The following CACNG2 variants were observed in gnomAD, a reference collection of about 807,000 sequenced individuals.
CACNG2 encodes calcium voltage-gated channel auxiliary subunit gamma 2.
Under a neutral mutation model 25.9 loss-of-function variants are expected in CACNG2, and 3 were observed. The ratio of observed to expected loss-of-function variants is 0.12; its 90% CI spans 0.05 to 0.30. The LOEUF is 0.30. Among genes scored for constraint, CACNG2 ranks in the 10% least tolerant of loss-of-function variants. CACNG2 has a pLI of 1.00. For synonymous variants in CACNG2, 167 were observed against 173.3 expected (o/e 0.96, Z 0.29); for missense variants, 341 against 432.5 (o/e 0.79, Z 1.88).
chr22:36,609,235 A>G (rs997009135), intron 1 of CACNG2, among the ~76,000 whole-genome samples: 2 of 148,996 alleles, frequency 1.3e-5, no homozygotes, highest in Non-Finnish European at 3.0e-5. Flanking sequence ...ATTGAGCAGG[A>G]ATCAGCCCCC....
chr22:36,647,824 C>T (rs1936550776), intron 1 of CACNG2, among the ~76,000 whole-genome samples: 1 of 152,096 alleles, frequency 6.6e-6, no homozygotes, highest in South Asian at 2.1e-4. Context: ...CTCCTAGCTC[C>T]CTGTGTTTTT....
At chr22:36,666,684 G>T (rs1936879124) in intron 1 of CACNG2, among the ~76,000 whole-genome samples, 1 of 151,860 alleles carries the variant, frequency 6.6e-6, no homozygotes, top group African/African-American at 2.4e-5. Flanking sequence ...TATGTTATGT[G>T]TATTTTACCA....
At chr22:36,695,074 G>A (rs185890770) in intron 1 of CACNG2, among the ~76,000 whole-genome samples, 6 of 152,106 alleles carry the variant, frequency 3.9e-5, no homozygotes, top group Admixed American at 6.5e-5. Context: ...AAATGAGCCC[G>A]GTGTGGTGGT....
At chr22:36,577,330 G>A (rs926868404) in intron 2 of CACNG2, among the ~76,000 whole-genome samples, 3 of 152,142 alleles carry the variant, frequency 2.0e-5, no homozygotes, top group Admixed American at 1.3e-4. Context: ...TCATGAAATC[G>A]GTGTAGTGGT....
intron 1 of CACNG2, among the ~76,000 whole-genome samples, chr22:36,687,809 G>T (rs1937220982): frequency 6.6e-6 from 1 of 152,074 alleles, no homozygotes; most frequent in Non-Finnish European, 1.5e-5. Flanking sequence ...AACAACTCTG[G>T]CTTTAAAGAT....
intron 1 of CACNG2, among the ~76,000 whole-genome samples, chr22:36,658,451 A>G (rs1936740199): frequency 6.6e-6 from 1 of 152,220 alleles, no homozygotes; most frequent in South Asian, 2.1e-4. Context: ...GGCTTTTCAC[A>G]CATGAGAAAG....
chr22:36,622,073 T>C (rs1569032279), intron 1 of CACNG2, among the ~76,000 whole-genome samples: 1 of 152,222 alleles, frequency 6.6e-6, no homozygotes, highest in Non-Finnish European at 1.5e-5. Flanking sequence ...AAGGCACGGC[T>C]CTCATTCCCT....
chr22:36,676,741 G>A (rs894118088), intron 1 of CACNG2, among the ~76,000 whole-genome samples: 42 of 152,184 alleles, frequency 2.8e-4, no homozygotes, highest in Non-Finnish European at 4.6e-4. Flanking sequence ...AGGTCACAAC[G>A]CTCAGAAGCA....
chr22:36,660,434 C>T (rs1391589882), intron 1 of CACNG2, among the ~76,000 whole-genome samples: 1 of 152,264 alleles, frequency 6.6e-6, no homozygotes, highest in Non-Finnish European at 1.5e-5. Flanking sequence ...TCCGATGCTG[C>T]TTTCGATTGC....
intron 1 of CACNG2, among the ~76,000 whole-genome samples, chr22:36,648,177 C>T (rs1936556810): frequency 6.6e-6 from 1 of 152,132 alleles, no homozygotes; most frequent in African/African-American, 2.4e-5. Flanking sequence ...TCTCATCAAC[C>T]TGAGAAATGA....
Position 36,702,382 on chromosome 22 carries a change from T to C in CACNG2, c.195A>G (p.Arg65=). 1 of 1,613,586 alleles carries C rather than the reference T, an allele frequency of 6.2e-7. No homozygotes were observed. Among genetic ancestry groups the C allele is most frequent in the Non-Finnish European group, 8.5e-7 (1 of 1,179,708 alleles). Residue 65 remains arginine, a synonymous_variant, in exon 1 of 4, where the codon AGA becomes AGG. Transcript: ENST00000300105. The part of the protein sequence containing the change: ...EEVMTHSGLW[R]TCCLEGNFKG... ...GTCAAGTACCTTCTAGGCAGCAGGTTCTCCATAATCCGGAATGGGTCATAA... is the reference window on the plus strand; with the variant it reads ...GTCAAGTACCTTCTAGGCAGCAGGTCCTCCATAATCCGGAATGGGTCATAA...
chr22:36,664,100 G>A (rs1215470686), intron 1 of CACNG2, among the ~76,000 whole-genome samples: 2 of 152,086 alleles, frequency 1.3e-5, no homozygotes, highest in East Asian at 1.9e-4. Context: ...AGGGTGGCTG[G>A]CAAAACCTAT....
At chr22:36,642,692 G>C (rs937599862) in intron 1 of CACNG2, among the ~76,000 whole-genome samples, 3 of 152,144 alleles carry the variant, frequency 2.0e-5, no homozygotes, top group Non-Finnish European at 4.4e-5. Context: ...TAGACAACAG[G>C]GGAAAGACAG....
chr22:36,575,587 G>A (rs1417846344), intron 2 of CACNG2, among the ~76,000 whole-genome samples: 1 of 152,150 alleles, frequency 6.6e-6, no homozygotes, highest in Non-Finnish European at 1.5e-5. Flanking sequence ...TGCACTCTTT[G>A]CCTAGCTCTC....
chr22:36,591,276 G>C (rs1389928752), intron 1 of CACNG2, among the ~76,000 whole-genome samples: 2 of 151,978 alleles, frequency 1.3e-5, no homozygotes, highest in African/African-American at 4.8e-5. Flanking sequence ...TGATCCGCCT[G>C]CTTCGGCCTC....
intron 1 of CACNG2, among the ~76,000 whole-genome samples, chr22:36,621,677 C>G (rs1314325642): frequency 6.6e-6 from 1 of 152,114 alleles, no homozygotes; most frequent in Non-Finnish European, 1.5e-5. Context: ...TCTTGCCTTT[C>G]TGTTGCATGC....
At position 36,702,862 on chromosome 22, in the gene CACNG2, A is replaced by AT. The variant is rs1393717699; in HGVS notation, c.-287_-286insA. 1.7e-5 allele frequency: 5 copies of AT among 300,062 alleles called. No individual in the cohort carries two copies. The highest frequency in any genetic ancestry group is 1.1e-4 in the South Asian group (2 of 18,058). 18.6% of individuals were successfully genotyped at this position (300,062 alleles called of 1,614,324 possible). A position where few individuals can be genotyped will look rare whatever the true frequency, so the allele number is the denominator to read the frequency against. ...TTTTTTTTTAAAAAGAAAAGGAAAAAAAAAATAAAAAGACACCCCCCACCC... is the reference window on the plus strand; with the variant it reads ...TTTTTTTTTAAAAAGAAAAGGAAAAATAAAAATAAAAAGACACCCCCCACCC... On this transcript the variant is annotated 5_prime_UTR_variant, in exon 1 of 4. Transcript: ENST00000300105.
In CACNG2 at chr22:36,613,154, C is replaced by CTGTGTGTG. The variant is rs199852721; in HGVS notation, c.212-25607_212-25606insCACACACA. Among the ~76,000 whole-genome samples the CTGTGTGTG allele has an allele frequency of 5.0e-3, 369 of 73,988 alleles. 3 individuals are homozygous for CTGTGTGTG. The highest frequency in any genetic ancestry group is 0.011 in the African/African-American group (353 of 31,786). 48.5% of individuals were successfully genotyped at this position (73,988 alleles called of 152,430 possible). A position where few individuals can be genotyped will look rare whatever the true frequency, so the allele number is the denominator to read the frequency against. ...CCAAAAGTTCATTTCATTACAGGCT[C>CTGTGTGTG]TCTGTGTGTGTGTGTGTGTGTGTGT... On this transcript the variant is annotated intron_variant, in intron 1 of 3. Transcript: ENST00000300105.
At chr22:36,604,116 A>G (rs1243152604) in intron 1 of CACNG2, among the ~76,000 whole-genome samples, 1 of 152,224 alleles carries the variant, frequency 6.6e-6, no homozygotes. Flanking sequence ...ATTTGGAAGA[A>G]TTGGTTCCAA....
Sources: gnomAD v4.1 joint callset for allele counts (sites outside exome capture counted in the v4.1 genomes callset) on GRCh38, gnomAD v4.1.1 for gene constraint, MANE v1.5 for transcripts, NCBI Gene and HGNC (gene_info 2026-07-23, HGNC 2026-07-21) for gene names.